The following CCDC192 variants were observed in gnomAD, a reference collection of about 807,000 sequenced individuals.
CCDC192 encodes the protein coiled-coil domain containing 192.
rs1314608246 is a variant in CCDC192 at position 127,725,311 on chromosome 5, A to G, written c.114+17551A>G. Among the ~76,000 whole-genome samples, 6 of 152,168 alleles carry G rather than the reference A, an allele frequency of 3.9e-5. No individual in the cohort carries two copies. The South Asian group carries it at 1.0e-3, about 26-fold the overall frequency. ...GTAGGAAATCATGATCTAAAGATTC[A>G]TAGTCTATTTCACTTACATGATTGA... On this transcript the variant is annotated intron_variant, in intron 2 of 6. Coordinates refer to ENST00000514853, the MANE Select transcript of CCDC192 (RefSeq NM_001317938.2).
chr5:127,843,881 A>T (rs1750413221), intron 5 of CCDC192, among the ~76,000 whole-genome samples: 1 of 152,224 alleles, frequency 6.6e-6, no homozygotes, highest in Admixed American at 6.5e-5. Context: ...GTGATGTAAG[A>T]AGGGAAAAAA....
intron 2 of CCDC192, among the ~76,000 whole-genome samples, chr5:127,713,683 TA>T (rs1751464693): frequency 6.6e-6 from 1 of 152,208 alleles, no homozygotes; most frequent in Non-Finnish European, 1.5e-5. Flanking sequence ...GTTATACTTT[TA>T]GGGATTTTTT....
At position 127,937,718 on chromosome 5, in the gene CCDC192, C is replaced by T. The variant is rs557958572; in HGVS notation, c.536-3464C>T. ...CCTGTAATACTCTCTTCCAGAAGGGCGATGTGGTCCTAGTGACCGTGACTG... is the reference window on the plus strand; with the variant it reads ...CCTGTAATACTCTCTTCCAGAAGGGTGATGTGGTCCTAGTGACCGTGACTG... On this transcript the variant is annotated intron_variant, in intron 6 of 6. Transcript: ENST00000514853. Among the ~76,000 whole-genome samples the T allele has an allele frequency of 3.9e-5, 6 of 152,352 alleles. No homozygotes were observed. The East Asian group carries it at 7.7e-4, about 20-fold the overall frequency.
chr5:127,734,502 A>G (rs1294317922), intron 2 of CCDC192, among the ~76,000 whole-genome samples: 1 of 148,186 alleles, frequency 6.7e-6, no homozygotes, highest in African/African-American at 2.5e-5. Context: ...GAATCGCCAC[A>G]CTGACTTCCA....
At chr5:127,843,343 T>A (rs1243997372) in intron 5 of CCDC192, among the ~76,000 whole-genome samples, 2 of 148,242 alleles carry the variant, frequency 1.3e-5, no homozygotes, top group African/African-American at 5.0e-5. Context: ...CAGCCAAAAG[T>A]TTTTTTTTTA....
intron 5 of CCDC192, among the ~76,000 whole-genome samples, chr5:127,829,156 G>A (rs528745552): frequency 1.3e-5 from 2 of 152,284 alleles, no homozygotes; most frequent in Admixed American, 6.5e-5. Context: ...GTCATGGAGA[G>A]GGGGGAGTCT....
intron 6 of CCDC192, among the ~76,000 whole-genome samples, chr5:127,907,480 T>C (rs1753230256): frequency 6.6e-6 from 1 of 152,016 alleles, no homozygotes; most frequent in South Asian, 2.1e-4. Context: ...TATAAAAAAC[T>C]ATTCTAATTA....
At chr5:127,935,889 G>C (rs1212956886) in intron 6 of CCDC192, among the ~76,000 whole-genome samples, 5 of 152,156 alleles carry the variant, frequency 3.3e-5, no homozygotes, top group Non-Finnish European at 7.3e-5. Flanking sequence ...TGGATCACCT[G>C]AGGTTGGGAG....
At chr5:127,751,128 T>G (rs1263283518) in intron 2 of CCDC192, among the ~76,000 whole-genome samples, 2 of 148,574 alleles carry the variant, frequency 1.3e-5, no homozygotes, top group Non-Finnish European at 1.5e-5. Context: ...AAAGTTAATA[T>G]TGTTATGTGT....
In CCDC192 at chr5:127,851,807, CT is replaced by C. The variant is rs530416773; in HGVS notation, c.412-23729del. ...TTTAACTAGATTCTTCCTGTCAACACTTGAACATGGTTACATCCCTCCCAGT... is the reference window on the plus strand; with the variant it reads ...TTTAACTAGATTCTTCCTGTCAACACTGAACATGGTTACATCCCTCCCAGT... On this transcript the variant is annotated intron_variant, in intron 5 of 6. Coordinates refer to ENST00000514853, the MANE Select transcript of CCDC192 (RefSeq NM_001317938.2). 3.3e-5 allele frequency among the ~76,000 whole-genome samples: 5 copies of C among 152,274 alleles called. No homozygotes were observed. The South Asian group carries it at 1.0e-3, about 32-fold the overall frequency.
intron 5 of CCDC192, among the ~76,000 whole-genome samples, chr5:127,845,776 TGAGTC>T (rs1265566996): frequency 6.6e-6 from 1 of 152,210 alleles, no homozygotes; most frequent in Non-Finnish European, 1.5e-5. Flanking sequence ...AAAATTATGC[TGAGTC>T]AAGAGGGACA....
At position 127,769,179 on chromosome 5, in the gene CCDC192, C is replaced by T. The variant is rs115830831; in HGVS notation, c.222+14804C>T. On this transcript the variant is annotated intron_variant, in intron 3 of 6. Coordinates refer to ENST00000514853, the MANE Select transcript of CCDC192 (RefSeq NM_001317938.2). Reference sequence around the variant, plus strand: ...AGAGATAAATAGGAAATTCACATTACTTAATGGAGTGGTTTTAATAATTGC... The same window carrying T: ...AGAGATAAATAGGAAATTCACATTATTTAATGGAGTGGTTTTAATAATTGC... Among the ~76,000 whole-genome samples, 789 of 152,288 alleles carry T rather than the reference C, an allele frequency of 5.2e-3. 4 individuals carry two copies. Among genetic ancestry groups the T allele is most frequent in the South Asian group, 6.8e-3 (33 of 4,830 alleles).
At chr5:127,772,554 A>C (rs1755622815) in intron 3 of CCDC192, among the ~76,000 whole-genome samples, 1 of 152,028 alleles carries the variant, frequency 6.6e-6, no homozygotes, top group Admixed American at 6.6e-5. Flanking sequence ...CATACTTGCA[A>C]GATATTGGCA....
intron 5 of CCDC192, among the ~76,000 whole-genome samples, chr5:127,844,640 G>C (rs1160261700): frequency 6.6e-6 from 1 of 152,216 alleles, no homozygotes; most frequent in African/African-American, 2.4e-5. Context: ...AGGGTGAGGA[G>C]ACAGGGCTGT....
At chr5:127,749,736 C>G (rs529509819) in intron 2 of CCDC192, among the ~76,000 whole-genome samples, 1 of 152,294 alleles carries the variant, frequency 6.6e-6, no homozygotes, top group African/African-American at 2.4e-5. Flanking sequence ...GTGAATCCAT[C>G]TGGTCCTGGA....
chr5:127,868,750 C>T (rs560149523), intron 5 of CCDC192, among the ~76,000 whole-genome samples: 17 of 151,400 alleles, frequency 1.1e-4, no homozygotes, highest in Non-Finnish European at 2.2e-4. Flanking sequence ...CTGGGCGTGG[C>T]GGTGGGCGCC....
chr5:127,843,179 T>TGC (rs1750370791), intron 5 of CCDC192, among the ~76,000 whole-genome samples: 1 of 144,942 alleles, frequency 6.9e-6, no homozygotes, highest in Non-Finnish European at 1.5e-5. Flanking sequence ...GGATTACAGG[T>TGC]GCCCGCCACC....
In CCDC192 at chr5:127,770,822, G is replaced by A. The variant is rs191517406; in HGVS notation, c.222+16447G>A. On this transcript the variant is annotated intron_variant, in intron 3 of 6. Transcript: ENST00000514853. ...ATTATATTATGCAGGAACATTTTAG[G>A]AAATGCATATTATGTATAGGTATAA... Among the ~76,000 whole-genome samples the A allele has an allele frequency of 1.9e-3, 287 of 152,260 alleles. 2 individuals carry two copies. The highest frequency in any genetic ancestry group is 6.6e-3 in the African/African-American group (273 of 41,554).
intron 6 of CCDC192, among the ~76,000 whole-genome samples, chr5:127,903,582 T>G (rs1753113275): frequency 6.6e-6 from 1 of 152,174 alleles, no homozygotes. Flanking sequence ...GGCTGGATGA[T>G]GAAAAGTTTT....
Sources: gnomAD v4.1 joint callset for allele counts (sites outside exome capture counted in the v4.1 genomes callset) on GRCh38, gnomAD v4.1.1 for gene constraint, MANE v1.5 for transcripts, NCBI Gene and HGNC (gene_info 2026-07-23, HGNC 2026-07-21) for gene names.